Variants in COMMD10 observed in about 807,000 individuals in gnomAD.
COMMD10 encodes the protein COMM domain containing 10, also known as COMM domain-containing protein 10.
COMMD10 carries 33 observed loss-of-function variants against 28.9 expected under a neutral mutation model. The observed-to-expected ratio is 1.14, with a 90% CI of 0.87 to 1.53. COMMD10 has a LOEUF of 1.53. Ranked by LOEUF, COMMD10 falls within the 40% of genes most tolerant of loss-of-function variation. COMMD10 has a pLI of 0.00. For synonymous variants in COMMD10, 110 were observed against 81.7 expected (o/e 1.35, Z -1.87); for missense variants, 310 against 233.4 (o/e 1.33, Z -2.14).
At chr5:116,259,810 G>C (rs565102061) in intron 5 of COMMD10, among the ~76,000 whole-genome samples, 1 of 151,462 alleles carries the variant, frequency 6.6e-6, no homozygotes, top group Non-Finnish European at 1.5e-5. Flanking sequence ...TCTAATCTGG[G>C]ACTCTCCATA....
intron 4 of COMMD10, among the ~76,000 whole-genome samples, chr5:116,121,414 C>T (rs1436541424): frequency 6.6e-6 from 1 of 152,134 alleles, no homozygotes; most frequent in East Asian, 1.9e-4. Flanking sequence ...CAAGTATTTG[C>T]TTTTGAGAAT....
chr5:116,093,879 AT>A (rs1750382556), intron 4 of COMMD10, among the ~76,000 whole-genome samples: 1 of 152,238 alleles, frequency 6.6e-6, no homozygotes, highest in South Asian at 2.1e-4. Flanking sequence ...CCATGTATTT[AT>A]AGCCAACTGA....
At chr5:116,272,191 T>C (rs986642343) in intron 5 of COMMD10, among the ~76,000 whole-genome samples, 3 of 151,924 alleles carry the variant, frequency 2.0e-5, no homozygotes, top group Non-Finnish European at 4.4e-5. Flanking sequence ...TTGAGGAATT[T>C]AGCCATGTCA....
chr5:116,121,697 C>T (rs1220909792), intron 4 of COMMD10, among the ~76,000 whole-genome samples: 1 of 152,192 alleles, frequency 6.6e-6, no homozygotes, highest in African/African-American at 2.4e-5. Context: ...GATGGTATCT[C>T]ATTGTGGTTT....
intron 5 of COMMD10, among the ~76,000 whole-genome samples, chr5:116,230,640 C>T (rs921005505): frequency 7.9e-5 from 12 of 151,892 alleles, no homozygotes; most frequent in African/African-American, 2.9e-4. Flanking sequence ...TATTGATACC[C>T]AGTGATGTAG....
chr5:116,103,716 T>C (rs1210554008), intron 4 of COMMD10, among the ~76,000 whole-genome samples: 2 of 152,258 alleles, frequency 1.3e-5, no homozygotes, highest in Non-Finnish European at 2.9e-5. Context: ...TTTGGTGTTT[T>C]AGTCATGAAG....
In COMMD10 at chr5:116,293,184, T is replaced by A; in HGVS notation, c.*695T>A. On this transcript the variant is annotated 3_prime_UTR_variant, in exon 7 of 7. Transcript: ENST00000274458. Reference sequence around the variant, plus strand: ...AGAATCAGGTCTTGAATAAAATAATTGTAATGAGTGCTAAATGGGCACCAT... The same window carrying A: ...AGAATCAGGTCTTGAATAAAATAATAGTAATGAGTGCTAAATGGGCACCAT... 2.6e-6 allele frequency: 1 copy of A among 390,326 alleles called. No homozygotes were observed. Among genetic ancestry groups the A allele is most frequent in the Non-Finnish European group, 4.5e-6 (1 of 220,886 alleles). 24.2% of individuals were successfully genotyped at this position (390,326 alleles called of 1,614,324 possible). A position where few individuals can be genotyped will look rare whatever the true frequency, so the allele number is the denominator to read the frequency against.
intron 4 of COMMD10, among the ~76,000 whole-genome samples, chr5:116,104,414 G>T (rs1299226031): frequency 6.6e-6 from 1 of 152,082 alleles, no homozygotes; most frequent in African/African-American, 2.4e-5. Flanking sequence ...TAGCAATTGT[G>T]AATGGGAGTT....
At chr5:116,144,460 G>C (rs912289090) in intron 5 of COMMD10, among the ~76,000 whole-genome samples, 4 of 151,588 alleles carry the variant, frequency 2.6e-5, no homozygotes, top group African/African-American at 9.7e-5. Context: ...CTCTAAATTG[G>C]ATACTAGAAA....
intron 5 of COMMD10, among the ~76,000 whole-genome samples, chr5:116,171,623 A>T (rs776830914): frequency 1.6e-4 from 24 of 152,202 alleles, no homozygotes; most frequent in Non-Finnish European, 3.2e-4. Flanking sequence ...TGTGGCACAT[A>T]TACACCATGG....
chr5:116,265,455 ACT>A (rs1279937052), intron 5 of COMMD10, among the ~76,000 whole-genome samples: 2 of 151,602 alleles, frequency 1.3e-5, no homozygotes, highest in South Asian at 2.1e-4. Flanking sequence ...CATTTACATA[ACT>A]CTGTGTACTT....
chr5:116,286,936 T>C (rs1054417622), intron 5 of COMMD10, among the ~76,000 whole-genome samples: 3 of 151,842 alleles, frequency 2.0e-5, no homozygotes, highest in Non-Finnish European at 4.4e-5. Flanking sequence ...CTGTTCATTG[T>C]TGAAAGTGGA....
At chr5:116,125,659 C>G (rs1471679007) in intron 4 of COMMD10, among the ~76,000 whole-genome samples, 3 of 152,098 alleles carry the variant, frequency 2.0e-5, no homozygotes, top group Non-Finnish European at 4.4e-5. Flanking sequence ...CAACTTGGTT[C>G]CATTCTCCCT....
At chr5:116,156,077 G>T (rs1354134344) in intron 5 of COMMD10, among the ~76,000 whole-genome samples, 1 of 152,000 alleles carries the variant, frequency 6.6e-6, no homozygotes, top group Non-Finnish European at 1.5e-5. Context: ...ATAGCTGTGT[G>T]CCCTGAGACC....
intron 5 of COMMD10, among the ~76,000 whole-genome samples, chr5:116,280,196 C>T (rs1316873004): frequency 6.6e-6 from 1 of 151,880 alleles, no homozygotes; most frequent in African/African-American, 2.4e-5. Context: ...CTTCCATTCA[C>T]TAGTTTAACT....
At chr5:116,221,227 C>T (rs552476861) in intron 5 of COMMD10, among the ~76,000 whole-genome samples, 22 of 152,104 alleles carry the variant, frequency 1.4e-4, no homozygotes, top group African/African-American at 5.3e-4. Context: ...TTCATGATTT[C>T]ATCTCCCTTA....
chr5:116,247,065 AC>A (rs1405458533), intron 5 of COMMD10, among the ~76,000 whole-genome samples: 2 of 152,010 alleles, frequency 1.3e-5, no homozygotes, highest in African/African-American at 4.8e-5. Flanking sequence ...ATCTTTGCAA[AC>A]TTTGCATCCA....
At chr5:116,140,967 C>T (rs372596718) in intron 5 of COMMD10, among the ~76,000 whole-genome samples, 2 of 151,570 alleles carry the variant, frequency 1.3e-5, no homozygotes, top group African/African-American at 4.8e-5. Flanking sequence ...TGCTTTTGTT[C>T]CTCAAGCTTT....
At chr5:116,168,885 C>A (rs1425787090) in intron 5 of COMMD10, among the ~76,000 whole-genome samples, 6 of 152,212 alleles carry the variant, frequency 3.9e-5, no homozygotes, top group African/African-American at 1.4e-4. Flanking sequence ...CGGGAAAGAT[C>A]TAAAATTGAC....
Sources: allele counts gnomAD v4.1 joint callset (sites outside exome capture counted in the v4.1 genomes callset), GRCh38; gene constraint gnomAD v4.1.1; transcripts MANE v1.5; gene names NCBI Gene and HGNC (gene_info 2026-07-23, HGNC 2026-07-21).